Variants in ZFYVE28 observed in about 807,000 individuals in gnomAD.
ZFYVE28 encodes zinc finger FYVE-type containing 28.
A neutral mutation model predicts 82.1 loss-of-function variants in ZFYVE28; 40 were observed. That is an observed-to-expected ratio of 0.49 (90% CI 0.38 to 0.63). The LOEUF (loss-of-function observed/expected upper bound fraction) is 0.63, where lower values mean the gene tolerates loss of function less well. Among genes scored for constraint, ZFYVE28 ranks in the 30% least tolerant of loss-of-function variants. The probability of loss-of-function intolerance (pLI) is 0.00; values close to 1 mark genes in which losing one functional copy is unlikely to be tolerated. For missense variants in ZFYVE28, 1,321 were observed against 1,242.1 expected, an observed-to-expected ratio of 1.06 and a Z score of -0.96; for synonymous variants, 612 against 546.1, an observed-to-expected ratio of 1.12 and a Z score of -1.68.
intron 1 of ZFYVE28, among the ~76,000 whole-genome samples, chr4:2,379,798 T>TA (rs1158825124): frequency 3.9e-5 from 6 of 152,164 alleles, no homozygotes; most frequent in African/African-American, 1.4e-4. Context: ...TTTCACACTT[T>TA]TTTTTTTGAG....
chr4:2,367,867 G>A (rs1727049609), intron 1 of ZFYVE28, among the ~76,000 whole-genome samples: 1 of 152,298 alleles, frequency 6.6e-6, no homozygotes, highest in South Asian at 2.1e-4. Context: ...AAGACACCCA[G>A]GGTGGTTGCT....
At chr4:2,318,031 G>A (rs1014531768) in intron 7 of ZFYVE28, among the ~76,000 whole-genome samples, 3 of 152,204 alleles carry the variant, frequency 2.0e-5, no homozygotes, top group Non-Finnish European at 2.9e-5. Flanking sequence ...ACTGGCAGGC[G>A]TGCTGCTTGA....
intron 1 of ZFYVE28, among the ~76,000 whole-genome samples, chr4:2,375,572 G>C (rs1034050524): frequency 6.6e-6 from 1 of 152,198 alleles, no homozygotes; most frequent in Non-Finnish European, 1.5e-5. Context: ...GCTAAAGGAC[G>C]GTGTGAGGAG....
intron 1 of ZFYVE28, among the ~76,000 whole-genome samples, chr4:2,360,167 C>T (rs1420376730): frequency 6.6e-6 from 1 of 151,980 alleles, no homozygotes; most frequent in African/African-American, 2.4e-5. Context: ...AAGCCATTGC[C>T]CCCGAGAACA....
At chr4:2,413,764 C>T (rs1444973673) in intron 1 of ZFYVE28, among the ~76,000 whole-genome samples, 3 of 152,218 alleles carry the variant, frequency 2.0e-5, no homozygotes, top group African/African-American at 4.8e-5. Flanking sequence ...GGGGCATGGA[C>T]GCAGTGCTGT....
chr4:2,336,855 GAAGGT>G (rs1721843177), intron 5 of ZFYVE28, among the ~76,000 whole-genome samples: 1 of 138,928 alleles, frequency 7.2e-6, no homozygotes, highest in Non-Finnish European at 1.6e-5. Flanking sequence ...TGAGGAGTGA[GAAGGT>G]GAGGAGGGAG....
At chr4:2,393,041 A>G (rs563168421) in intron 1 of ZFYVE28, among the ~76,000 whole-genome samples, 85 of 152,376 alleles carry the variant, frequency 5.6e-4, no homozygotes, top group Admixed American at 1.8e-3. Context: ...TTGGATTCAC[A>G]AAGCTCCCCG....
intron 7 of ZFYVE28, among the ~76,000 whole-genome samples, chr4:2,307,746 G>C (rs551818947): frequency 6.6e-6 from 1 of 151,948 alleles, no homozygotes; most frequent in African/African-American, 2.4e-5. Context: ...CTCCCGCCTT[G>C]GCCTCCCAAA....
At chr4:2,334,657 A>C (rs1721297345) in intron 6 of ZFYVE28, among the ~76,000 whole-genome samples, 1 of 140,306 alleles carries the variant, frequency 7.1e-6, no homozygotes, top group Admixed American at 7.2e-5. Context: ...TGACATCCAC[A>C]TCTCCACGGG....
rs757624949 is a variant in ZFYVE28, at chr4:2,303,208, C to T, written c.2051+1081G>A. ...GAAAGGAAGAACGGCCTGACCGTCA[C>T]GGGACCCTGGTCACTCCCACTCCTC... On this transcript the variant is annotated intron_variant, in intron 8 of 12. Transcript: ENST00000290974. Among the ~76,000 whole-genome samples the T allele has an allele frequency of 2.0e-4, 31 of 152,154 alleles. 1 individual carries two copies. The highest frequency in any genetic ancestry group is 2.7e-4 in the African/African-American group (11 of 41,432).
At chr4:2,364,837 G>A (rs988375902) in intron 1 of ZFYVE28, 75 of 985,514 alleles carry the variant, frequency 7.6e-5, no homozygotes, top group South Asian at 1.9e-4. Context: ...CCGCGATACC[G>A]CGATAAAACC....
chr4:2,340,962 G>A (rs975691491), intron 3 of ZFYVE28, among the ~76,000 whole-genome samples: 1 of 152,094 alleles, frequency 6.6e-6, no homozygotes, highest in African/African-American at 2.4e-5. Flanking sequence ...GGAGGCTGGG[G>A]AGTCCGCATG....
chr4:2,371,081 T>C (rs1379948530), intron 1 of ZFYVE28, among the ~76,000 whole-genome samples: 2 of 152,128 alleles, frequency 1.3e-5, no homozygotes, highest in Admixed American at 6.5e-5. Flanking sequence ...CGGGCCCCGC[T>C]CCTTAGGAGA....
In ZFYVE28 at chr4:2,362,752, C is replaced by G. The variant is rs1726335175; in HGVS notation, c.40-8679G>C. Among the ~76,000 whole-genome samples, 1 of 152,162 alleles carries G rather than the reference C, an allele frequency of 6.6e-6. No individual in the cohort carries two copies. The highest frequency in any genetic ancestry group is 2.4e-5 in the African/African-American group (1 of 41,446). On this transcript the variant is annotated intron_variant, in intron 1 of 12. Transcript: ENST00000290974. This position sits in a 1 kb window ranked among gnomAD's most constrained non-coding sequence, Gnocchi z 5.1. Reference sequence around the variant, plus strand: ...ACCCACCCCAATGTTACTATTGTTGCTACTGTCTCCCTCCCCATCCATCTG... The same window carrying G: ...ACCCACCCCAATGTTACTATTGTTGGTACTGTCTCCCTCCCCATCCATCTG...
At chr4:2,352,404 G>A (rs917775260) in intron 2 of ZFYVE28, among the ~76,000 whole-genome samples, 2 of 151,964 alleles carry the variant, frequency 1.3e-5, no homozygotes, top group African/African-American at 4.8e-5. Flanking sequence ...AGGGGAGATA[G>A]GAGGAGGGAG....
intron 7 of ZFYVE28, 110 bp from the exon 8 acceptor site, chr4:2,305,646 G>T: frequency 7.7e-7 from 1 of 1,293,958 alleles, no homozygotes; most frequent in Non-Finnish European, 1.1e-6. Context: ...ACAACAGCCA[G>T]GCACTGAATG....
rs1396967431 is a variant in ZFYVE28, at chr4:2,335,761, C to G, written c.645G>C (p.Met215Ile). 5 of 1,570,952 alleles carry G rather than the reference C, an allele frequency of 3.2e-6. No individual in the cohort carries two copies. The highest frequency in any genetic ancestry group is 4.3e-6 in the Non-Finnish European group (5 of 1,158,062). Residue 215 changes from methionine to isoleucine, a missense_variant, in exon 6 of 13, where the codon ATG becomes ATC. Met to Ile is a conservative substitution (Grantham distance 10). Transcript: ENST00000290974. The surrounding 1 kb of genome is among the most constrained non-coding windows in gnomAD (Gnocchi z 5.8). ...ALDFGYLTQD[M>I]IDDYEPALMF... The stretch of plus-strand genomic sequence containing the variant: ...TGAGGGCCGGCTCGTAGTCATCAAT[C>G]ATGTCCTGAGTCAGGTACCCGAAGT...
In ZFYVE28 at chr4:2,304,629, C is replaced by T. The variant is rs150614771; in HGVS notation, c.1711G>A (p.Gly571Arg). 3.4e-4 allele frequency: 542 copies of T among 1,612,396 alleles called. No individual in the cohort carries two copies. The highest frequency in any genetic ancestry group is 2.3e-4 in the Non-Finnish European group (266 of 1,179,860). ...LHSCVCCGSC[G>R]DSREDVVERL... ...TCCACCACGTCCTCCCTGCTGTCCC[C>T]GCAGCTCCCACAGCACACGCAGGAA... The change falls in exon 8 of 13, where the codon GGG becomes AGG. Residue 571 changes from glycine to arginine, a missense_variant. Transcript: ENST00000290974.
chr4:2,329,525 A>C (rs762662818), intron 6 of ZFYVE28, among the ~76,000 whole-genome samples: 1 of 152,364 alleles, frequency 6.6e-6, no homozygotes, highest in Admixed American at 6.5e-5. Context: ...ACAAAAGGGT[A>C]AATCCTATAT....
Sources: gnomAD v4.1 joint callset for allele counts (sites outside exome capture counted in the v4.1 genomes callset) on GRCh38, gnomAD v4.1.1 for gene constraint, Gnocchi (gnomAD v3.1) non-coding constraint, MANE v1.5 for transcripts, NCBI Gene and HGNC (gene_info 2026-07-23, HGNC 2026-07-21) for gene names.